The following SAMTOR variants were observed in gnomAD, a reference collection of about 807,000 sequenced individuals.
The protein encoded by SAMTOR is S-adenosylmethionine sensor upstream of mTORC1.
chr7:112,865,427 G>A, the SAMTOR span, among the ~76,000 whole-genome samples: 2 of 152,042 alleles, frequency 1.3e-5, no homozygotes, highest in African/African-American at 4.8e-5. Flanking sequence ...ACAGGCACAC[G>A]CCACCATACC....
chr7:112,921,143 A>T, the SAMTOR span, among the ~76,000 whole-genome samples: 3 of 152,192 alleles, frequency 2.0e-5, no homozygotes, highest in Non-Finnish European at 4.4e-5. Flanking sequence ...CACCAAGTCA[A>T]CCCTAAGCCA....
the SAMTOR span, among the ~76,000 whole-genome samples, chr7:112,883,576 T>C: frequency 6.6e-6 from 1 of 152,184 alleles, no homozygotes; most frequent in Non-Finnish European, 1.5e-5. Context: ...AAATGGCAGA[T>C]GAGGATGAGT....
At chr7:112,843,768 A>T in the SAMTOR span, among the ~76,000 whole-genome samples, 2 of 151,996 alleles carry the variant, frequency 1.3e-5, no homozygotes, top group African/African-American at 4.8e-5. Context: ...ACTGAGGAGG[A>T]GGGACTCCTC....
the SAMTOR span, among the ~76,000 whole-genome samples, chr7:112,872,623 C>T: frequency 2.6e-5 from 4 of 151,942 alleles, no homozygotes; most frequent in African/African-American, 7.2e-5. Context: ...ATAATGAAGT[C>T]CTAGCCAGAG....
chr7:112,915,207 A>C, the SAMTOR span: 1 of 1,232,808 alleles, frequency 8.1e-7, no homozygotes, highest in Non-Finnish European at 1.1e-6. Context: ...CATGCACTCC[A>C]GCCTGGGTGA....
chr7:112,919,871 C>T, the SAMTOR span, among the ~76,000 whole-genome samples: 1 of 152,208 alleles, frequency 6.6e-6, no homozygotes, highest in African/African-American at 2.4e-5. Flanking sequence ...AATTCCTGGA[C>T]ACATACACCC....
At chr7:112,862,825 A>T in the SAMTOR span, among the ~76,000 whole-genome samples, 1 of 151,274 alleles carries the variant, frequency 6.6e-6, no homozygotes, top group African/African-American at 2.4e-5. Flanking sequence ...GCTACTCTGG[A>T]GGCTGAGGCA....
the SAMTOR span, among the ~76,000 whole-genome samples, chr7:112,872,964 C>A: frequency 2.0e-4 from 30 of 151,576 alleles, no homozygotes; most frequent in African/African-American, 6.8e-4. Flanking sequence ...CACACCCACA[C>A]ACCCACACAC....
chr7:112,876,168 C>T, the SAMTOR span, among the ~76,000 whole-genome samples: 1 of 152,012 alleles, frequency 6.6e-6, no homozygotes, highest in Admixed American at 6.6e-5. Flanking sequence ...GCATGCTGTC[C>T]TAGCTGGTCT....
the SAMTOR span, among the ~76,000 whole-genome samples, chr7:112,853,671 A>G: frequency 6.6e-6 from 1 of 152,140 alleles, no homozygotes; most frequent in Non-Finnish European, 1.5e-5. Flanking sequence ...TGCTCTCTAC[A>G]GAGCCAGAGG....
the SAMTOR span, among the ~76,000 whole-genome samples, chr7:112,880,025 A>T: frequency 6.6e-6 from 1 of 152,182 alleles, no homozygotes; most frequent in South Asian, 2.1e-4. Context: ...TCTTATAAAC[A>T]GGTTAACAGA....
chr7:112,930,530 A>G, the SAMTOR span, among the ~76,000 whole-genome samples: 1 of 150,594 alleles, frequency 6.6e-6, no homozygotes, highest in Non-Finnish European at 1.5e-5. Flanking sequence ...AAAGGGGCAA[A>G]AAAAAAAAAA....
chr7:112,936,918 T>A, the SAMTOR span, among the ~76,000 whole-genome samples: 1 of 152,184 alleles, frequency 6.6e-6, no homozygotes, highest in East Asian at 1.9e-4. Context: ...ATTCTAACAT[T>A]TGGAGTCACT....
At chr7:112,917,161 C>T in the SAMTOR span, among the ~76,000 whole-genome samples, 1 of 152,218 alleles carries the variant, frequency 6.6e-6, no homozygotes, top group Non-Finnish European at 1.5e-5. Context: ...AAGTGGGTCC[C>T]TGACCCCTGA....
chr7:112,930,345 T>C, the SAMTOR span, among the ~76,000 whole-genome samples: 1 of 152,056 alleles, frequency 6.6e-6, no homozygotes, highest in Non-Finnish European at 1.5e-5. Flanking sequence ...ATCCAAGGTG[T>C]TTGGTAATTA....
the SAMTOR span, among the ~76,000 whole-genome samples, chr7:112,924,670 G>A: frequency 6.6e-6 from 1 of 151,954 alleles, no homozygotes; most frequent in Admixed American, 6.5e-5. Context: ...ATATCAGACT[G>A]GCAATAACTA....
At chr7:112,906,892 G>A in the SAMTOR span, among the ~76,000 whole-genome samples, 2 of 152,040 alleles carry the variant, frequency 1.3e-5, no homozygotes, top group Admixed American at 1.3e-4. Context: ...TAATGGATAG[G>A]ATGACTCAAC....
the SAMTOR span, among the ~76,000 whole-genome samples, chr7:112,937,339 A>G: frequency 6.6e-6 from 1 of 152,192 alleles, no homozygotes; most frequent in African/African-American, 2.4e-5. Context: ...TTGGTGCTAT[A>G]GTTCAGGTAT....
chr7:112,858,418 C>A, the SAMTOR span, among the ~76,000 whole-genome samples: 1 of 151,080 alleles, frequency 6.6e-6, no homozygotes, highest in Admixed American at 6.6e-5. Flanking sequence ...TTGAAAGCAG[C>A]AATGTAAAAA....
Sources: gnomAD v4.1 joint callset for allele counts (sites outside exome capture counted in the v4.1 genomes callset) on GRCh38, gnomAD v4.1.1 for gene constraint, MANE v1.5 for transcripts, NCBI Gene and HGNC (gene_info 2026-07-23, HGNC 2026-07-21) for gene names.